EPX: variants seen among roughly 807,000 people sequenced by gnomAD.
The protein encoded by EPX is eosinophil peroxidase.
A neutral mutation model predicts 73.0 loss-of-function variants in EPX; 60 were observed. That is an observed-to-expected ratio of 0.82 (90% confidence interval 0.67 to 1.02). The LOEUF (loss-of-function observed/expected upper bound fraction) is 1.02. Ranked by LOEUF, EPX falls within the 50% of genes least tolerant of loss-of-function variation. The probability of loss-of-function intolerance (pLI) is 0.00; values close to 1 mark genes in which losing one functional copy is unlikely to be tolerated. For synonymous variants in EPX, 347 were observed against 389.2 expected, an observed-to-expected ratio of 0.89 and a Z score of 1.28; for missense variants, 950 against 973.9, an observed-to-expected ratio of 0.98 and a Z score of 0.33.
At chr17:58,200,181 C>T in intron 9 of EPX, 44 bp from the exon 10 acceptor site, 1 of 1,603,812 alleles carries the variant, frequency 6.2e-7, no homozygotes, top group South Asian at 1.1e-5. Flanking sequence ...AGTAGCTTCC[C>T]AGAGGCTGGT....
rs564674231 is a variant in EPX at position 58,193,311 on chromosome 17, G to A, written c.171-60G>A. On this transcript the variant is annotated intron_variant, in intron 2 of 12. Transcript: ENST00000225371. ...CTGTCCTGACTGTGCCCCAGGACTG[G>A]GTCTCTGCTGGGTGGGTCTGCACCC... is the stretch of plus-strand genomic sequence containing the variant. 1.9e-4 allele frequency: 289 copies of A among 1,554,850 alleles called. 4 individuals carry two copies. In the South Asian group the frequency reaches 3.1e-3, roughly 16 times the overall value.
rs778311099 is a variant in EPX at position 58,199,658 on chromosome 17, C to T, written c.1401C>T (p.Thr467=). Reference sequence around the variant, plus strand: ...ACCCACGGGTGGCCAATGTCTTCACCCTGGCCTTCCGCTTTGGCCACACAA... The same window carrying T: ...ACCCACGGGTGGCCAATGTCTTCACTCTGGCCTTCCGCTTTGGCCACACAA... ...NVDPRVANVF[T]LAFRFGHTML... is the part of the protein sequence containing the mutation. The change falls in exon 9 of 13, where the codon ACC becomes ACT. Residue 467 remains threonine, a synonymous_variant. Transcript: ENST00000225371. 6.4e-5 allele frequency: 103 copies of T among 1,614,116 alleles called. No individual in the cohort carries two copies. The highest frequency in any genetic ancestry group is 8.1e-5 in the Non-Finnish European group (96 of 1,180,040).
chr17:58,196,028 CCTTTCTTTCTTTCTTTTT>C (rs1249499991), intron 6 of EPX, among the ~76,000 whole-genome samples: 2 of 134,554 alleles, frequency 1.5e-5, no homozygotes, highest in African/African-American at 5.8e-5. Context: ...TTCCTTCCTT[CCTTTCTTTCTTTCTTTTT>C]CTTTCTTTTT....
At chr17:58,203,341 ACAT>A in intron 11 of EPX, 23 bp downstream of exon 11, 1 of 1,491,582 alleles carries the variant, frequency 6.7e-7, no homozygotes, top group Non-Finnish European at 9.4e-7. Context: ...ATCATAAAAG[ACAT>A]CAGCACCAGA....
chr17:58,203,654 C>T (rs555655334), intron 11 of EPX, among the ~76,000 whole-genome samples: 30 of 152,158 alleles, frequency 2.0e-4, no homozygotes, highest in Middle Eastern at 3.4e-3. Context: ...ACCTGACGGC[C>T]GGGCGCGGTG....
intron 7 of EPX, 55 bp downstream of exon 7, chr17:58,197,312 C>T: frequency 6.3e-7 from 1 of 1,597,282 alleles, no homozygotes; most frequent in Non-Finnish European, 8.5e-7. Flanking sequence ...CCTGGGGTCC[C>T]AACTGGGAAG....
Position 58,196,028 on chromosome 17 carries a change from CCTTT to C in EPX, c.801+871_801+874del, listed in dbSNP as rs550204254. 2.6e-3 allele frequency among the ~76,000 whole-genome samples: 348 copies of C among 134,636 alleles called. 6 individuals are homozygous for C. Among genetic ancestry groups the C allele is most frequent in the Admixed American group, 0.012 (176 of 14,184 alleles). 88.3% of individuals were successfully genotyped at this position (134,636 alleles called of 152,430 possible). ...CCTTCCTTCCTTCATTTCCTTCCTT[CCTTT>C]CTTTCTTTCTTTTTCTTTCTTTTTC... On this transcript the variant is annotated intron_variant, in intron 6 of 12. Coordinates refer to ENST00000225371, the MANE Select transcript of EPX (RefSeq NM_000502.6).
At position 58,195,102 on chromosome 17, in the gene EPX, G is replaced by A. The variant is rs1247379629; in HGVS notation, c.733G>A (p.Val245Met). ...LDFSPESPAR[V>M]AFTAGVDCER... ...CTTCTCCCCGGAGTCCCCGGCCAGA[G>A]TGGCCTTCACTGCAGGCGTTGACTG... The change falls in exon 6 of 13, where the codon GTG becomes ATG. Residue 245 changes from valine (V) to methionine (M), a missense_variant. By Grantham distance (21) the Val-to-Met change is conservative. Transcript: ENST00000225371. The A allele has an allele frequency of 1.2e-6, 2 of 1,614,196 alleles. No individual in the cohort carries two copies. The highest frequency in any genetic ancestry group is 2.2e-5 in the East Asian group (1 of 44,884).
intron 11 of EPX, 69 bp from the exon 12 acceptor site, chr17:58,204,153 A>G (rs1156405027): frequency 3.8e-6 from 4 of 1,044,170 alleles, no homozygotes; most frequent in African/African-American, 1.6e-5. Context: ...AGTACCTGGC[A>G]CACAACAGGT....
chr17:58,202,728 G>T (rs1968357872), intron 10 of EPX: 1 of 308,484 alleles, frequency 3.2e-6, no homozygotes, highest in Non-Finnish European at 6.3e-6. Flanking sequence ...AAACCTGATG[G>T]AGAGTCTTTT....
rs35036774 is a variant in EPX at position 58,196,438 on chromosome 17, A to C, written c.802-501A>C. ...ATGGCTTTTCTATCAAGCACAGCAG[A>C]TGCCACTTCAACTTAGTTTCTTAAC... On this transcript the variant is annotated intron_variant, in intron 6 of 12. Coordinates refer to ENST00000225371, the MANE Select transcript of EPX (RefSeq NM_000502.6). 3.8e-3 allele frequency among the ~76,000 whole-genome samples: 584 copies of C among 152,314 alleles called. 9 individuals are homozygous for C. The highest frequency in any genetic ancestry group is 0.016 in the South Asian group (79 of 4,828).
Position 58,193,367 on chromosome 17 carries a change from G to A in EPX, c.171-4G>A, listed in dbSNP as rs1227415998. The A allele has an allele frequency of 5.0e-6, 8 of 1,614,118 alleles. No individual in the cohort carries two copies. Among genetic ancestry groups the A allele is most frequent in the Non-Finnish European group, 5.9e-6 (7 of 1,179,996 alleles). On this transcript the variant is annotated splice_polypyrimidine_tract_variant and splice_region_variant and intron_variant, in intron 2 of 12. Coordinates refer to ENST00000225371, the MANE Select transcript of EPX (RefSeq NM_000502.6). ...CCAGCCCTCACTCCTCCTCTCCTGG[G>A]CAGCATCAAGCAGCGGCTTCGCAGC...
rs573995845 is a variant in EPX, at chr17:58,203,684, G to A, written c.1946+366G>A. On this transcript the variant is annotated intron_variant, in intron 11 of 12. Transcript: ENST00000225371. ...GCGGTGGCTCACGCCTGTAATCCCA[G>A]CACTTTGGGAGGCCGAGGCGGGCGG... Among the ~76,000 whole-genome samples the A allele has an allele frequency of 2.0e-5, 3 of 152,108 alleles. No individual in the cohort carries two copies. The South Asian group carries it at 6.2e-4, about 32-fold the overall frequency.
chr17:58,195,915 T>TCCTCC (rs1275861739), intron 6 of EPX, among the ~76,000 whole-genome samples: 2 of 151,834 alleles, frequency 1.3e-5, no homozygotes, highest in Non-Finnish European at 2.9e-5. Flanking sequence ...TTAACATATG[T>TCCTCC]CCTCCCCTCC....
chr17:58,200,098 C>T (rs1968318770), intron 9 of EPX, 127 bp from the exon 10 acceptor site: 1 of 917,404 alleles, frequency 1.1e-6, no homozygotes, highest in African/African-American at 1.6e-5. Flanking sequence ...AACTCTGTTT[C>T]CTGACAAACG....
In EPX at chr17:58,192,890, T is replaced by C. The variant is rs1474452993; in HGVS notation, c.44T>C (p.Val15Ala). 1 of 1,614,110 alleles carries C rather than the reference T, an allele frequency of 6.2e-7. No homozygotes were observed. Among genetic ancestry groups the C allele is most frequent in the Non-Finnish European group, 8.5e-7 (1 of 1,179,992 alleles). The change falls in exon 1 of 13, where the codon GTC becomes GCC. Residue 15 changes from valine (V) to alanine (A), a missense_variant. Transcript: ENST00000225371. The part of the protein sequence containing the change: ...PALAGVLATL[V>A]LAQPCEGTDP... ...CTGGCAGGGGTCCTGGCCACACTCG[T>C]CCTCGCCCAGCCCTGTGAGGGCACT...
At position 58,192,942 on chromosome 17, in the gene EPX, G is replaced by T. The variant is rs753519800; in HGVS notation, c.76+20G>T. ...ACCCAGGTAATAGTCCCCTAGACAG[G>T]CAAGGAGGAGGGAGGGGAAATGGAA... On this transcript the variant is annotated intron_variant, in intron 1 of 12. Coordinates refer to ENST00000225371, the MANE Select transcript of EPX (RefSeq NM_000502.6). 9.3e-6 allele frequency: 15 copies of T among 1,611,720 alleles called. No homozygotes were observed.
rs1342884566 is a variant in EPX, at chr17:58,192,889, G to A, written c.43G>A (p.Val15Ile). The A allele has an allele frequency of 2.3e-5, 37 of 1,613,988 alleles. No homozygotes were observed. Among genetic ancestry groups the A allele is most frequent in the Middle Eastern group, 3.3e-4 (2 of 6,084 alleles). The change falls in exon 1 of 13, where the codon GTC (valine) becomes ATC (isoleucine). Residue 15 changes from valine to isoleucine, a missense_variant. Coordinates refer to ENST00000225371, the MANE Select transcript of EPX (RefSeq NM_000502.6). ...CCTGGCAGGGGTCCTGGCCACACTC[G>A]TCCTCGCCCAGCCCTGTGAGGGCAC... ...PALAGVLATL[V>I]LAQPCEGTDP...
Position 58,197,063 on chromosome 17 carries a change from T to C in EPX, c.926T>C (p.Val309Ala). The C allele has an allele frequency of 2.5e-6, 4 of 1,614,216 alleles. No homozygotes were observed. The highest frequency in any genetic ancestry group is 2.2e-5 in the East Asian group (1 of 44,882). The change falls in exon 7 of 13, where the codon GTG becomes GCG. Residue 309 changes from valine (V) to alanine (A), a missense_variant. Physicochemically the swap from Val to Ala is moderately conservative, Grantham distance 64 (BLOSUM62 0). Transcript: ENST00000225371. ...RNQINALTSFVDASMVYGSEV... is the reference protein window; with the variant it reads ...RNQINALTSFADASMVYGSEV... ...CAGATCAACGCGCTCACCTCCTTTG[T>C]GGACGCCAGCATGGTGTATGGCAGT...
Sources: allele counts gnomAD v4.1 joint callset (sites outside exome capture counted in the v4.1 genomes callset), GRCh38; gene constraint gnomAD v4.1.1; transcripts MANE v1.5; gene names NCBI Gene and HGNC (gene_info 2026-07-23, HGNC 2026-07-21).